The following ZNF385D variants were observed in gnomAD, a reference collection of about 807,000 sequenced individuals.
The protein encoded by ZNF385D is zinc finger protein 659.
In ZNF385D, 15 loss-of-function variants were observed where a neutral mutation model predicts 35.8. The observed-to-expected ratio is 0.42, with a 90% confidence interval of 0.28 to 0.64. ZNF385D has a LOEUF of 0.64. Ranked by LOEUF, ZNF385D falls within the 30% of genes least tolerant of loss-of-function variation. The pLI, the probability that ZNF385D is intolerant of heterozygous loss-of-function variation, is 0.23. For synonymous variants in ZNF385D, 212 were observed against 186.8 expected, an observed-to-expected ratio of 1.13 and a Z score of -1.10; for missense variants, 474 against 494.6, an observed-to-expected ratio of 0.96 and a Z score of 0.39.
intron 3 of ZNF385D, among the ~76,000 whole-genome samples, chr3:22,057,936 T>C (rs550885333): frequency 2.0e-5 from 3 of 152,342 alleles, no homozygotes; most frequent in East Asian, 1.9e-4. Flanking sequence ...GGTTTCACTA[T>C]GACAAACATG....
exon 3 of ZNF385D, chr3:22,168,842 G>C: frequency 1.0e-6 from 1 of 985,784 alleles, no homozygotes; most frequent in Non-Finnish European, 1.2e-6. Context: ...GCGTCCCATT[G>C]CTGAGTTGTT....
intron 1 of ZNF385D, among the ~76,000 whole-genome samples, chr3:21,743,201 A>C (rs1253548512): frequency 1.3e-5 from 2 of 152,252 alleles, no homozygotes; most frequent in Non-Finnish European, 2.9e-5. Flanking sequence ...CTGGGATTCC[A>C]TCTTGAACAA....
intron 3 of ZNF385D, among the ~76,000 whole-genome samples, chr3:21,521,686 T>A (rs1302812964): frequency 3.9e-5 from 6 of 152,104 alleles, no homozygotes; most frequent in Non-Finnish European, 8.8e-5. Context: ...TCCAGGAATT[T>A]GAGGCTGCAG....
intron 3 of ZNF385D, among the ~76,000 whole-genome samples, chr3:21,934,162 C>G (rs1209045188): frequency 1.3e-5 from 2 of 152,064 alleles, no homozygotes; most frequent in African/African-American, 4.8e-5. Flanking sequence ...TTCTTTAGTT[C>G]TGAGAAGCAA....
intron 3 of ZNF385D, among the ~76,000 whole-genome samples, chr3:21,895,020 A>G (rs150117640): frequency 6.6e-6 from 1 of 152,234 alleles, no homozygotes; most frequent in East Asian, 1.9e-4. Flanking sequence ...TAGGAATACC[A>G]CAGAGTAAAT....
intron 1 of ZNF385D, among the ~76,000 whole-genome samples, chr3:21,672,701 T>A (rs1264856600): frequency 1.3e-5 from 2 of 152,150 alleles, no homozygotes; most frequent in African/African-American, 4.8e-5. Context: ...TTCCAGTAAG[T>A]CACCTCAACA....
intron 2 of ZNF385D, among the ~76,000 whole-genome samples, chr3:22,325,902 T>C (rs1188631849): frequency 1.3e-5 from 2 of 152,190 alleles, no homozygotes; most frequent in Admixed American, 1.3e-4. Context: ...AAGAATTTAG[T>C]ATATAAAATA....
chr3:22,038,613 T>C (rs902031505), intron 3 of ZNF385D, among the ~76,000 whole-genome samples: 3 of 152,188 alleles, frequency 2.0e-5, no homozygotes, highest in African/African-American at 7.2e-5. Context: ...ATTTGCTTTT[T>C]TAACAGTTTA....
chr3:21,771,756 TA>T (rs1160601540), intron 3 of ZNF385D, among the ~76,000 whole-genome samples: 1 of 151,772 alleles, frequency 6.6e-6, no homozygotes, highest in African/African-American at 2.4e-5. Flanking sequence ...ATAAACTAAG[TA>T]AGACCATAAA....
chr3:21,849,783 T>G (rs548891473), intron 3 of ZNF385D: 1 of 151,824 alleles, frequency 6.6e-6, no homozygotes, highest in Non-Finnish European at 1.5e-5. Context: ...GGTCTAAACT[T>G]TTTTTTTGTT....
At chr3:22,120,237 C>G (rs1165073198) in intron 3 of ZNF385D, among the ~76,000 whole-genome samples, 6 of 151,964 alleles carry the variant, frequency 3.9e-5, no homozygotes, top group Non-Finnish European at 7.4e-5. Context: ...AGACATTTAT[C>G]CCTCACAGTT....
intron 3 of ZNF385D, among the ~76,000 whole-genome samples, chr3:21,541,423 A>T (rs1432784767): frequency 2.6e-5 from 4 of 152,314 alleles, no homozygotes; most frequent in Non-Finnish European, 5.9e-5. Context: ...GGCCATGGAG[A>T]CACTTGAGAA....
At chr3:21,909,856 C>T (rs552933327) in intron 3 of ZNF385D, among the ~76,000 whole-genome samples, 22 of 152,066 alleles carry the variant, frequency 1.4e-4, no homozygotes, top group African/African-American at 4.6e-4. Context: ...ACAACTCTTT[C>T]GAACATCAGA....
intron 3 of ZNF385D, among the ~76,000 whole-genome samples, chr3:22,136,104 C>A (rs547390379): frequency 1.9e-4 from 29 of 152,254 alleles, no homozygotes; most frequent in African/African-American, 6.7e-4. Flanking sequence ...GTATAAGAGG[C>A]CAGGCGTGGT....
chr3:21,865,045 C>CTTTTTT lies in ZNF385D; in HGVS notation c.326-200023_326-200018dup, dbSNP rs3073907. 1.0e-3 allele frequency among the ~76,000 whole-genome samples: 22 copies of CTTTTTT among 21,198 alleles called. 3 individuals are homozygous for CTTTTTT. Among genetic ancestry groups the CTTTTTT allele is most frequent in the South Asian group, 6.4e-3 (2 of 314 alleles). The allele number at this position is 21,198 out of a possible 152,430, so 13.9% of individuals were successfully genotyped here. A position where few individuals can be genotyped will look rare whatever the true frequency, so the allele number is the denominator to read the frequency against. Reference sequence around the variant, plus strand: ...ATTACTCTGTGGGGTACAGGGAAGACTTTTTTTTTTTTTTTTTTTTTTTTT... The same window carrying CTTTTTT: ...ATTACTCTGTGGGGTACAGGGAAGACTTTTTTTTTTTTTTTTTTTTTTTTTTTTTTT... On this transcript the variant is annotated intron_variant, in intron 3 of 5. Transcript: ENST00000494108.
chr3:21,757,507 T>A (rs2070399740), intron 3 of ZNF385D, among the ~76,000 whole-genome samples: 2 of 152,178 alleles, frequency 1.3e-5, no homozygotes, highest in Admixed American at 1.3e-4. Flanking sequence ...TTTTATTATA[T>A]TTAATAACCA....
intron 3 of ZNF385D, among the ~76,000 whole-genome samples, chr3:21,876,708 T>A (rs1284524441): frequency 6.6e-6 from 1 of 151,818 alleles, no homozygotes; most frequent in Non-Finnish European, 1.5e-5. Context: ...TTTTTTTTTT[T>A]ACCAATTAAA....
chr3:22,336,915 A>AAAAAAAAC (rs1695189019), intron 2 of ZNF385D, among the ~76,000 whole-genome samples: 1 of 134,572 alleles, frequency 7.4e-6, no homozygotes, highest in African/African-American at 3.0e-5. Context: ...TTTTCAAAAA[A>AAAAAAAAC]AAAAAAAAAA....
chr3:21,443,381 A>C lies in ZNF385D; in HGVS notation c.440-6178T>G, dbSNP rs1005037368. 3 of 983,498 alleles carry C rather than the reference A, an allele frequency of 3.1e-6. No homozygotes were observed. The African/African-American group carries it at 5.2e-5, about 17-fold the overall frequency. 60.9% of individuals were successfully genotyped at this position (983,498 alleles called of 1,614,324 possible). ...ATACATATTTAGATATATGGCATAT[A>C]GTCTCCATTTGTATGCTCGGTCCTG... On this transcript the variant is annotated intron_variant, in intron 4 of 7. Transcript: ENST00000281523.
Sources: gnomAD v4.1 joint callset for allele counts (sites outside exome capture counted in the v4.1 genomes callset) on GRCh38, gnomAD v4.1.1 for gene constraint, MANE v1.5 for transcripts, NCBI Gene and HGNC (gene_info 2026-07-23, HGNC 2026-07-21) for gene names.